The following CABLES1 variants were observed in gnomAD, a reference collection of about 807,000 sequenced individuals.
CABLES1 encodes the protein CDK5 and ABL1 enzyme substrate 1.
Under a neutral mutation model 57.8 loss-of-function variants are expected in CABLES1, and 36 were observed. The observed-to-expected ratio is 0.62, with a 90% confidence interval of 0.48 to 0.82. The LOEUF is 0.82. Among genes scored for constraint, CABLES1 ranks in the 40% least tolerant of loss-of-function variants. The probability of loss-of-function intolerance (pLI) is 0.00; values close to 1 mark genes in which losing one functional copy is unlikely to be tolerated. For missense variants in CABLES1, 767 were observed against 836.6 expected (o/e 0.92, Z 1.03); for synonymous variants, 374 against 363.0 (o/e 1.03, Z -0.35).
At chr18:23,191,772 G>A (rs1177429141) in intron 2 of CABLES1, among the ~76,000 whole-genome samples, 1 of 152,028 alleles carries the variant, frequency 6.6e-6, no homozygotes, top group South Asian at 2.1e-4. Context: ...GTTGCAGGCG[G>A]CTGTGAAATT....
intron 7 of CABLES1, among the ~76,000 whole-genome samples, chr18:23,237,470 CAA>C (rs1307896528): frequency 6.6e-6 from 1 of 152,238 alleles, no homozygotes; most frequent in Non-Finnish European, 1.5e-5. Flanking sequence ...CCAGTGTCCA[CAA>C]AGTCACCAGC....
At chr18:23,237,345 G>C in intron 7 of CABLES1, 100 bp downstream of exon 7, 1 of 829,680 alleles carries the variant, frequency 1.2e-6, no homozygotes, top group South Asian at 1.3e-5. Context: ...CTCTGCCTGG[G>C]GGACCTTCAT....
chr18:23,140,909 C>G (rs2046854094), intron 1 of CABLES1, among the ~76,000 whole-genome samples: 1 of 152,282 alleles, frequency 6.6e-6, no homozygotes, highest in Non-Finnish European at 1.5e-5. Flanking sequence ...GGGTCTGTTT[C>G]CTCCTGAGAA....
chr18:23,234,405 C>T lies in CABLES1; in HGVS notation c.1089-203C>T, dbSNP rs545330342. ...CAGCTTCATCTTCAGGCTTTCTGTT[C>T]AGTTGGATTTCATTTATGTCAAAGT... On this transcript the variant is annotated intron_variant, in intron 4 of 9. Coordinates refer to ENST00000256925, the MANE Select transcript of CABLES1 (RefSeq NM_001100619.3). 2.6e-5 allele frequency among the ~76,000 whole-genome samples: 4 copies of T among 152,266 alleles called. 1 individual carries two copies. In the South Asian group the frequency reaches 8.3e-4, roughly 32 times the overall value.
At chr18:23,255,943 C>T (rs2048154546) in intron 9 of CABLES1, among the ~76,000 whole-genome samples, 1 of 152,088 alleles carries the variant, frequency 6.6e-6, no homozygotes, top group Non-Finnish European at 1.5e-5. Context: ...GAGCAATATA[C>T]CACACAGCAA....
chr18:23,181,278 G>A (rs1462113056), intron 1 of CABLES1, among the ~76,000 whole-genome samples: 2 of 152,018 alleles, frequency 1.3e-5, no homozygotes, highest in African/African-American at 4.8e-5. Context: ...TGGATCACCT[G>A]AGGTCAGGTG....
chr18:23,248,275 G>A (rs1598874805), intron 7 of CABLES1, among the ~76,000 whole-genome samples: 4 of 152,298 alleles, frequency 2.6e-5, no homozygotes, highest in South Asian at 2.1e-4. Flanking sequence ...CTCTGTCCCC[G>A]CCTTCACCGA....
intron 1 of CABLES1, among the ~76,000 whole-genome samples, chr18:23,176,746 C>T (rs2047125880): frequency 6.6e-6 from 1 of 152,136 alleles, no homozygotes; most frequent in Non-Finnish European, 1.5e-5. Flanking sequence ...AATAAGGATT[C>T]ACAAAGCCCC....
chr18:23,198,993 A>G (rs900249984), intron 3 of CABLES1, among the ~76,000 whole-genome samples: 3 of 152,370 alleles, frequency 2.0e-5, no homozygotes, highest in South Asian at 4.1e-4. Flanking sequence ...TGCAAAGTTC[A>G]TTGTCTCCAT....
chr18:23,154,765 T>G (rs1347591428), intron 1 of CABLES1, among the ~76,000 whole-genome samples: 1 of 152,234 alleles, frequency 6.6e-6, no homozygotes, highest in Admixed American at 6.5e-5. Flanking sequence ...TCTCCCACTC[T>G]GCTCTCTTGC....
At chr18:23,226,648 G>C (rs1057354280) in intron 4 of CABLES1, among the ~76,000 whole-genome samples, 1 of 152,204 alleles carries the variant, frequency 6.6e-6, no homozygotes, top group Non-Finnish European at 1.5e-5. Flanking sequence ...CAGCCCAGGA[G>C]CTTCTAGAGC....
chr18:23,218,426 G>A (rs1370185060), intron 4 of CABLES1, among the ~76,000 whole-genome samples: 1 of 86,010 alleles, frequency 1.2e-5, no homozygotes, highest in African/African-American at 5.4e-5. Flanking sequence ...CCTGCCTCCC[G>A]CATCCTCACT....
chr18:23,227,445 C>T (rs1391445005), intron 4 of CABLES1, among the ~76,000 whole-genome samples: 1 of 152,146 alleles, frequency 6.6e-6, no homozygotes, highest in African/African-American at 2.4e-5. Flanking sequence ...ACGTTAAGAC[C>T]CCTTCATTGT....
intron 7 of CABLES1, among the ~76,000 whole-genome samples, chr18:23,247,923 A>T (rs1598873726): frequency 6.6e-6 from 1 of 152,298 alleles, no homozygotes; most frequent in Admixed American, 6.5e-5. Flanking sequence ...GTCTCGCAGC[A>T]TCTGCTCATG....
chr18:23,216,648 T>C (rs1293107418), intron 4 of CABLES1, among the ~76,000 whole-genome samples: 1 of 152,260 alleles, frequency 6.6e-6, no homozygotes, highest in African/African-American at 2.4e-5. Context: ...GGGAAGTTTC[T>C]ACCTCACACC....
At chr18:23,175,103 A>T (rs1240197976) in intron 1 of CABLES1, among the ~76,000 whole-genome samples, 1 of 151,990 alleles carries the variant, frequency 6.6e-6, no homozygotes, top group Non-Finnish European at 1.5e-5. Flanking sequence ...TCCTTACTGT[A>T]CAACCAAGAC....
chr18:23,141,665 T>G (rs1284788034), intron 1 of CABLES1, among the ~76,000 whole-genome samples: 1 of 152,222 alleles, frequency 6.6e-6, no homozygotes, highest in Non-Finnish European at 1.5e-5. Context: ...GCTGCCCTTG[T>G]TGCAGTCACA....
intron 7 of CABLES1, among the ~76,000 whole-genome samples, chr18:23,249,241 G>A (rs2047978740): frequency 6.6e-6 from 1 of 152,252 alleles, no homozygotes; most frequent in Admixed American, 6.5e-5. Flanking sequence ...AGTCAGGGAA[G>A]TGTAACTGTT....
intron 7 of CABLES1, among the ~76,000 whole-genome samples, chr18:23,239,703 T>C (rs1472471527): frequency 6.6e-6 from 1 of 152,174 alleles, no homozygotes; most frequent in African/African-American, 2.4e-5. Flanking sequence ...CCTTACCCAG[T>C]AGAGAACTAA....
Sources: gnomAD v4.1 joint callset for allele counts (sites outside exome capture counted in the v4.1 genomes callset) on GRCh38, gnomAD v4.1.1 for gene constraint, MANE v1.5 for transcripts, NCBI Gene and HGNC (gene_info 2026-07-23, HGNC 2026-07-21) for gene names.